LCMT1: variants seen among roughly 807,000 people sequenced by gnomAD.
The protein encoded by LCMT1 is [Phosphatase 2A protein]-leucine-carboxy methyltransferase 1.
A neutral mutation model predicts 47.7 loss-of-function variants in LCMT1; 32 were observed. The ratio of observed to expected loss-of-function variants is 0.67; its 90% CI spans 0.51 to 0.90. LCMT1 has a LOEUF of 0.90. Ranked by LOEUF, LCMT1 falls within the 40% of genes least tolerant of loss-of-function variation. LCMT1 has a pLI of 0.00. For missense variants in LCMT1, 375 were observed against 415.2 expected, an observed-to-expected ratio of 0.90 and a Z score of 0.84; for synonymous variants, 152 against 149.7, an observed-to-expected ratio of 1.02 and a Z score of -0.11.
chr16:25,172,824 A>AC (rs1447642668), intron 9 of LCMT1, among the ~76,000 whole-genome samples: 1 of 152,206 alleles, frequency 6.6e-6, no homozygotes, highest in Non-Finnish European at 1.5e-5. Flanking sequence ...ACATGTCAAG[A>AC]CGACTGTTTT....
rs771304702 is a variant in LCMT1 at position 25,111,909 on chromosome 16, C to A, written c.26C>A (p.Ser9Tyr). The A allele has an allele frequency of 1.9e-5, 31 of 1,613,092 alleles. No homozygotes were observed. In the Admixed American group the frequency reaches 4.5e-4, roughly 23 times the overall value. MATRQRES[S>Y]ITSCCSTSSC... ...ATGGCCACTAGGCAGAGGGAATCCT[C>A]TATCACCTCCTGCTGTTCCACCTCG... Residue 9 changes from serine to tyrosine, a missense_variant, in exon 1 of 11, where the codon TCT becomes TAT. Ser to Tyr is a moderately radical substitution (Grantham distance 144, BLOSUM62 -2). Coordinates refer to ENST00000399069, the MANE Select transcript of LCMT1 (RefSeq NM_016309.3).
intron 7 of LCMT1, among the ~76,000 whole-genome samples, chr16:25,167,033 T>C (rs533084412): frequency 3.9e-5 from 6 of 152,330 alleles, no homozygotes; most frequent in Non-Finnish European, 8.8e-5. Flanking sequence ...TGTATTCTTT[T>C]GTTGAACAAG....
intron 4 of LCMT1, chr16:25,147,420 T>G (rs1354133990): frequency 1.3e-5 from 2 of 152,056 alleles, no homozygotes; most frequent in Admixed American, 6.6e-5. Context: ...GCTGTGGAGG[T>G]CCGCTTCTTC....
At chr16:25,130,572 G>A (rs1206298909) in intron 2 of LCMT1, among the ~76,000 whole-genome samples, 1 of 152,132 alleles carries the variant, frequency 6.6e-6, no homozygotes, top group Non-Finnish European at 1.5e-5. Flanking sequence ...GATCGGCTCA[G>A]GCAATCAAAG....
At chr16:25,129,074 G>C (rs577951348) in intron 2 of LCMT1, among the ~76,000 whole-genome samples, 1 of 149,988 alleles carries the variant, frequency 6.7e-6, no homozygotes. Flanking sequence ...GAGAACATGC[G>C]GTGTTTGGTT....
In LCMT1 at chr16:25,159,284, G is replaced by T. The variant is rs1352337892; in HGVS notation, c.467-1818G>T. ...AACTACCTTCGTATTCTTTTATTTTGTAGAGACAAGGTCTTTGCTCTGTTG... is the reference window on the plus strand; with the variant it reads ...AACTACCTTCGTATTCTTTTATTTTTTAGAGACAAGGTCTTTGCTCTGTTG... On this transcript the variant is annotated intron_variant, in intron 5 of 10. Transcript: ENST00000399069. 4.6e-5 allele frequency among the ~76,000 whole-genome samples: 7 copies of T among 152,272 alleles called. No homozygotes were observed. The East Asian group carries it at 1.4e-3, about 29-fold the overall frequency.
At chr16:25,160,098 G>A (rs972815140) in intron 5 of LCMT1, among the ~76,000 whole-genome samples, 3 of 151,940 alleles carry the variant, frequency 2.0e-5, no homozygotes, top group East Asian at 1.9e-4. Flanking sequence ...ACAGGCATGC[G>A]CCACCACACC....
chr16:25,127,504 T>C lies in LCMT1; in HGVS notation c.114-971T>C, dbSNP rs368940517. Among the ~76,000 whole-genome samples the C allele has an allele frequency of 4.3e-4, 65 of 152,300 alleles. 1 individual carries two copies. The highest frequency in any genetic ancestry group is 1.4e-3 in the African/African-American group (57 of 41,572). ...GAGATTGTGCAGAATTCAACACTTA[T>C]TGTAGTCAGGCCAGAGGTAAGCCTT... On this transcript the variant is annotated intron_variant, in intron 1 of 10. Coordinates refer to ENST00000399069, the MANE Select transcript of LCMT1 (RefSeq NM_016309.3).
At chr16:25,120,960 G>A (rs1363230190) in intron 1 of LCMT1, among the ~76,000 whole-genome samples, 3 of 134,006 alleles carry the variant, frequency 2.2e-5, no homozygotes, top group Non-Finnish European at 4.7e-5. Flanking sequence ...GGGTTTTGCC[G>A]TGTTGCCTAG....
intron 1 of LCMT1, among the ~76,000 whole-genome samples, chr16:25,115,107 T>C (rs1354802286): frequency 6.6e-6 from 1 of 152,204 alleles, no homozygotes; most frequent in Non-Finnish European, 1.5e-5. Flanking sequence ...GCTTTTATCC[T>C]GATGCTGCAC....
chr16:25,147,044 T>G (rs1960880794), intron 4 of LCMT1: 1 of 152,222 alleles, frequency 6.6e-6, no homozygotes, highest in South Asian at 2.1e-4. Context: ...ATTGGCATAT[T>G]CCTTAGCCTT....
intron 10 of LCMT1, 43 bp from the exon 11 acceptor site, chr16:25,177,958 C>A (rs776860767): frequency 6.2e-7 from 1 of 1,603,342 alleles, no homozygotes; most frequent in Non-Finnish European, 8.5e-7. Context: ...CTGCTCCTGG[C>A]CACCAGAGTC....
At chr16:25,131,197 G>T (rs1960340921) in intron 2 of LCMT1, among the ~76,000 whole-genome samples, 1 of 152,218 alleles carries the variant, frequency 6.6e-6, no homozygotes, top group Non-Finnish European at 1.5e-5. Flanking sequence ...GAAATGCCAA[G>T]AAATTTTAAA....
intron 7 of LCMT1, among the ~76,000 whole-genome samples, chr16:25,167,091 C>T (rs1416187828): frequency 1.3e-5 from 2 of 152,106 alleles, no homozygotes; most frequent in African/African-American, 4.8e-5. Context: ...TGAATTCTGA[C>T]CAGAGATCTT....
intron 1 of LCMT1, among the ~76,000 whole-genome samples, chr16:25,117,713 C>T (rs1051121722): frequency 3.9e-5 from 6 of 151,982 alleles, no homozygotes; most frequent in African/African-American, 9.7e-5. Flanking sequence ...ATTAGCTGGG[C>T]GTGGTGGTGT....
intron 10 of LCMT1, among the ~76,000 whole-genome samples, chr16:25,176,101 T>G (rs776522763): frequency 9.2e-5 from 14 of 152,146 alleles, no homozygotes; most frequent in Non-Finnish European, 1.8e-4. Flanking sequence ...CTCTTCTCAT[T>G]AAGGTGCACA....
At chr16:25,127,401 A>G (rs138147619) in intron 1 of LCMT1, among the ~76,000 whole-genome samples, 19 of 152,172 alleles carry the variant, frequency 1.2e-4, no homozygotes, top group African/African-American at 4.3e-4. Context: ...AGTATTTTCC[A>G]TGTTTCTGTG....
chr16:25,131,081 C>G (rs974822592), intron 2 of LCMT1, among the ~76,000 whole-genome samples: 6 of 152,186 alleles, frequency 3.9e-5, no homozygotes, highest in Non-Finnish European at 7.4e-5. Context: ...GAGACAGGAG[C>G]CTGCCTTATT....
chr16:25,169,051 T>C, intron 7 of LCMT1, 61 bp from the exon 8 acceptor site: 1 of 1,189,086 alleles, frequency 8.4e-7, no homozygotes, highest in Non-Finnish European at 1.2e-6. Context: ...ATGAATGATG[T>C]TTTATTTTGC....
Sources: gnomAD v4.1 joint callset for allele counts (sites outside exome capture counted in the v4.1 genomes callset) on GRCh38, gnomAD v4.1.1 for gene constraint, MANE v1.5 for transcripts, NCBI Gene and HGNC (gene_info 2026-07-23, HGNC 2026-07-21) for gene names.